Variants in HRH1 observed in about 807,000 individuals in gnomAD.
The protein encoded by HRH1 is histamine receptor H1.
In HRH1, 6 loss-of-function variants were observed where a neutral mutation model predicts 10.3. That is an observed-to-expected ratio of 0.58 (90% confidence interval 0.32 to 1.15). The LOEUF is 1.15. Among genes scored for constraint, HRH1 ranks in the 50% most tolerant of loss-of-function variants. HRH1 has a pLI of 0.05. For synonymous variants in HRH1, 242 were observed against 236.7 expected, an observed-to-expected ratio of 1.02 and a Z score of -0.21; for missense variants, 514 against 615.3, an observed-to-expected ratio of 0.84 and a Z score of 1.74.
intron 1 of HRH1, among the ~76,000 whole-genome samples, chr3:11,147,920 G>A (rs746715066): frequency 1.3e-5 from 2 of 152,056 alleles, no homozygotes; most frequent in Non-Finnish European, 2.9e-5. Flanking sequence ...GGTGGCTCAC[G>A]CCTGTAATCC....
At chr3:11,258,202 C>G (rs1029147937) in intron 1 of HRH1, among the ~76,000 whole-genome samples, 1 of 136,802 alleles carries the variant, frequency 7.3e-6, no homozygotes, top group Non-Finnish European at 1.5e-5. Flanking sequence ...TAGGGATGGT[C>G]TCAGCTGCAA....
chr3:11,228,063 T>C (rs1376689647), intron 1 of HRH1, among the ~76,000 whole-genome samples: 3 of 152,218 alleles, frequency 2.0e-5, no homozygotes, highest in African/African-American at 4.8e-5. Context: ...TAGCATAACA[T>C]GAAACTCTGA....
In HRH1 at chr3:11,234,247, C is replaced by G. The variant is rs1575032427; in HGVS notation, c.-35-24756C>G. On this transcript the variant is annotated intron_variant, in intron 1 of 1. Coordinates refer to ENST00000431010, the MANE Select transcript of HRH1 (RefSeq NM_001098212.2). ...AGGACTGGAGCCCAGTGCCTTGTGG[C>G]CTTCATTAACTTGACCCCACCTCTT... 5.6e-5 allele frequency: 86 copies of G among 1,524,266 alleles called. No homozygotes were observed. In the South Asian group the frequency reaches 9.8e-4, roughly 17 times the overall value. 94.4% of individuals were successfully genotyped at this position (1,524,266 alleles called of 1,614,324 possible). A position where few individuals can be genotyped will look rare whatever the true frequency, so the allele number is the denominator to read the frequency against.
chr3:11,192,406 G>A (rs1258849064), intron 1 of HRH1, among the ~76,000 whole-genome samples: 1 of 152,104 alleles, frequency 6.6e-6, no homozygotes, highest in Non-Finnish European at 1.5e-5. Flanking sequence ...GTGTATAGCT[G>A]TAGTTCATTC....
At chr3:11,179,294 AT>A (rs111331288) in intron 1 of HRH1, among the ~76,000 whole-genome samples, 12,293 of 151,462 alleles carry the variant, frequency 0.081, 888 homozygotes, top group African/African-American at 0.2. Flanking sequence ...TCTTAAAAAA[AT>A]AAATAAATAA....
At chr3:11,203,961 G>T (rs547288536) in intron 1 of HRH1, among the ~76,000 whole-genome samples, 1 of 152,152 alleles carries the variant, frequency 6.6e-6, no homozygotes, top group Non-Finnish European at 1.5e-5. Context: ...AATATTGGGG[G>T]TTCCTATCCA....
intron 1 of HRH1, among the ~76,000 whole-genome samples, chr3:11,258,032 A>T (rs1033105798): frequency 5.3e-5 from 8 of 152,192 alleles, no homozygotes; most frequent in Non-Finnish European, 8.8e-5. Context: ...ATTTAAAAAA[A>T]TTGTTTGTTT....
At chr3:11,247,555 G>C (rs1315984882) in intron 1 of HRH1, among the ~76,000 whole-genome samples, 4 of 152,136 alleles carry the variant, frequency 2.6e-5, no homozygotes, top group Non-Finnish European at 5.9e-5. Context: ...TACTAGGTGG[G>C]AAGGCATATC....
At chr3:11,209,901 A>T (rs1399995398) in intron 1 of HRH1, among the ~76,000 whole-genome samples, 1 of 152,098 alleles carries the variant, frequency 6.6e-6, no homozygotes, top group African/African-American at 2.4e-5. Context: ...GCCGAGATAG[A>T]CCCTGAACTT....
At chr3:11,215,434 T>A (rs1938455735) in intron 1 of HRH1, among the ~76,000 whole-genome samples, 1 of 152,096 alleles carries the variant, frequency 6.6e-6, no homozygotes, top group Admixed American at 6.5e-5. Context: ...TTTGGGTTTT[T>A]TTTGTTTTGT....
intron 1 of HRH1, among the ~76,000 whole-genome samples, chr3:11,187,511 C>T (rs1294242292): frequency 6.6e-6 from 1 of 152,104 alleles, no homozygotes; most frequent in Non-Finnish European, 1.5e-5. Flanking sequence ...AAAATGGGGG[C>T]AAAACCTACC....
chr3:11,184,301 G>A (rs114646395), intron 1 of HRH1, among the ~76,000 whole-genome samples: 257 of 152,156 alleles, frequency 1.7e-3, no homozygotes, highest in African/African-American at 6.0e-3. Context: ...TATTATCCCC[G>A]TTTTACAGAT....
intron 1 of HRH1, among the ~76,000 whole-genome samples, chr3:11,189,447 C>T (rs1937506117): frequency 1.3e-5 from 2 of 152,108 alleles, no homozygotes; most frequent in South Asian, 4.1e-4. Flanking sequence ...CATCATTAGT[C>T]CTCAGTCAGT....
chr3:11,215,047 G>A (rs1938443236), intron 1 of HRH1, among the ~76,000 whole-genome samples: 3 of 152,214 alleles, frequency 2.0e-5, no homozygotes, highest in Admixed American at 1.3e-4. Context: ...TGACATGGCT[G>A]ATCGCTTACC....
intron 1 of HRH1, among the ~76,000 whole-genome samples, chr3:11,214,905 TG>T (rs1938440383): frequency 6.6e-6 from 1 of 152,188 alleles, no homozygotes; most frequent in Admixed American, 6.5e-5. Flanking sequence ...GGGTTTAGGA[TG>T]GGAGAATGGT....
intron 1 of HRH1, among the ~76,000 whole-genome samples, chr3:11,165,455 G>C (rs1035717675): frequency 6.6e-6 from 1 of 152,174 alleles, no homozygotes; most frequent in Non-Finnish European, 1.5e-5. Context: ...CCAATACCCA[G>C]AGATTTAGGG....
At chr3:11,242,206 GT>G (rs1483576648) in intron 1 of HRH1, among the ~76,000 whole-genome samples, 2 of 152,062 alleles carry the variant, frequency 1.3e-5, no homozygotes, top group African/African-American at 2.4e-5. Context: ...ACTTGGCCGG[GT>G]GCGGTGGCTC....
intron 1 of HRH1, among the ~76,000 whole-genome samples, chr3:11,193,925 T>G (rs775026976): frequency 9.2e-5 from 14 of 152,368 alleles, no homozygotes; most frequent in Non-Finnish European, 1.8e-4. Context: ...TTAGGGCAAC[T>G]TCACAAGGTA....
chr3:11,236,300 G>C (rs1477947633), intron 1 of HRH1, among the ~76,000 whole-genome samples: 1 of 152,214 alleles, frequency 6.6e-6, no homozygotes, highest in Non-Finnish European at 1.5e-5. Flanking sequence ...GTGGTGGCAG[G>C]TGCCTGTAAT....
Sources: allele counts gnomAD v4.1 joint callset (sites outside exome capture counted in the v4.1 genomes callset), GRCh38; gene constraint gnomAD v4.1.1; transcripts MANE v1.5; gene names NCBI Gene and HGNC (gene_info 2026-07-23, HGNC 2026-07-21).